RERE: variants seen among roughly 807,000 people sequenced by gnomAD.
RERE encodes the protein arginine-glutamic acid dipeptide repeats protein.
Under a neutral mutation model 146.1 loss-of-function variants are expected in RERE, and 40 were observed. The observed-to-expected ratio is 0.27, with a 90% CI of 0.21 to 0.36. The LOEUF (loss-of-function observed/expected upper bound fraction) is 0.36, where lower values mean the gene tolerates loss of function less well. Ranked by LOEUF, RERE falls within the 10% of genes least tolerant of loss-of-function variation. RERE has a pLI of 1.00. For synonymous variants in RERE, 1,003 were observed against 866.0 expected (o/e 1.16, Z -2.78); for missense variants, 1,933 against 2,138.7 (o/e 0.90, Z 1.90).
chr1:8,751,514 A>AT (rs1640535586), intron 1 of RERE, among the ~76,000 whole-genome samples: 1 of 152,166 alleles, frequency 6.6e-6, no homozygotes, highest in Admixed American at 6.5e-5. Flanking sequence ...GAGTGACTAA[A>AT]CTACACCGAA....
At position 8,501,037 on chromosome 1, in the gene RERE, G is replaced by T. The variant is rs1289476825; in HGVS notation, c.880-3508C>A. Among the ~76,000 whole-genome samples, 7 of 136,170 alleles carry T rather than the reference G, an allele frequency of 5.1e-5. 1 individual carries two copies. Among genetic ancestry groups the T allele is most frequent in the Non-Finnish European group, 7.8e-5 (5 of 64,024 alleles). 89.3% of individuals were successfully genotyped at this position (136,170 alleles called of 152,430 possible). A position where few individuals can be genotyped will look rare whatever the true frequency, so the allele number is the denominator to read the frequency against. ...GGCAGCCACCCCGTCCGGGAGGGGGGGGGGGGGTCAGCCCCCCGCCCGGCC... is the reference window on the plus strand; with the variant it reads ...GGCAGCCACCCCGTCCGGGAGGGGGTGGGGGGGTCAGCCCCCCGCCCGGCC... On this transcript the variant is annotated intron_variant, in intron 8 of 22. Transcript: ENST00000400908.
chr1:8,643,650 A>C (rs1383881566), intron 2 of RERE, among the ~76,000 whole-genome samples: 2 of 152,184 alleles, frequency 1.3e-5, no homozygotes, highest in Non-Finnish European at 2.9e-5. Flanking sequence ...GAATACATGA[A>C]AACAACAGAT....
chr1:8,597,232 G>A (rs1646565611), intron 4 of RERE, among the ~76,000 whole-genome samples: 1 of 152,144 alleles, frequency 6.6e-6, no homozygotes, highest in East Asian at 1.9e-4. Context: ...GGGACTAGAG[G>A]TGTGTGCCAC....
At position 8,501,827 on chromosome 1, in the gene RERE, CCCG is replaced by C. The variant is rs372757078; in HGVS notation, c.880-4301_880-4299del. Among the ~76,000 whole-genome samples, 935 of 95,492 alleles carry C rather than the reference CCCG, an allele frequency of 9.8e-3. 241 individuals are homozygous for C. Among genetic ancestry groups the C allele is most frequent in the Admixed American group, 0.022 (189 of 8,658 alleles). The allele number at this position is 95,492 out of a possible 152,430, so 62.6% of individuals were successfully genotyped here. ...GGTGAGGGGCGCCTCTGCCCGGCTG[CCCG>C]TACTGGGAAGTGAGGACCCCTCTGC... On this transcript the variant is annotated intron_variant, in intron 8 of 22. Coordinates refer to ENST00000400908, the MANE Select transcript of RERE (RefSeq NM_001042681.2).
intron 6 of RERE, among the ~76,000 whole-genome samples, chr1:8,545,395 G>A (rs897309723): frequency 6.6e-6 from 1 of 152,142 alleles, no homozygotes. Context: ...AGAGGAGGTG[G>A]CTATATGAAA....
intron 8 of RERE, among the ~76,000 whole-genome samples, chr1:8,501,191 C>T (rs868840216): frequency 1.3e-5 from 2 of 148,366 alleles, no homozygotes; most frequent in South Asian, 2.1e-4. Context: ...CCAGCCGCCC[C>T]GTCCGGGAGG....
rs556756836 is a variant in RERE, at chr1:8,738,863, CT to C, written c.-145+78296del. On this transcript the variant is annotated intron_variant, in intron 1 of 22. Coordinates refer to ENST00000400908, the MANE Select transcript of RERE (RefSeq NM_001042681.2). ...TGTCATCTTGTTCCTCACACTCTTC[CT>C]GGGCAATCTCCAATCCAGGTCTTTG... Among the ~76,000 whole-genome samples, 163 of 152,306 alleles carry C rather than the reference CT, an allele frequency of 1.1e-3. 6 individuals carry two copies. The South Asian group carries it at 0.034, about 31-fold the overall frequency.
Position 8,576,787 on chromosome 1 carries a change from T to C in RERE, c.523-19264A>G, listed in dbSNP as rs546110729. 1.9e-4 allele frequency among the ~76,000 whole-genome samples: 29 copies of C among 152,330 alleles called. No homozygotes were observed. The South Asian group carries it at 2.9e-3, about 15-fold the overall frequency. On this transcript the variant is annotated intron_variant, in intron 4 of 22. Transcript: ENST00000400908. Reference sequence around the variant, plus strand: ...TTTACAGAAACATAAGCTGGCACAATTGTGTTATAGAAAGAGTAACTGGGC... The same window carrying C: ...TTTACAGAAACATAAGCTGGCACAACTGTGTTATAGAAAGAGTAACTGGGC...
intron 4 of RERE, among the ~76,000 whole-genome samples, chr1:8,597,234 G>A (rs1244783675): frequency 6.6e-6 from 1 of 152,008 alleles, no homozygotes; most frequent in Non-Finnish European, 1.5e-5. Context: ...GACTAGAGGT[G>A]TGTGCCACCA....
At chr1:8,408,554 A>G (rs1643519228) in intron 12 of RERE, among the ~76,000 whole-genome samples, 2 of 152,148 alleles carry the variant, frequency 1.3e-5, no homozygotes, top group Non-Finnish European at 1.5e-5. Flanking sequence ...TTCGCACTGA[A>G]GTCTCTGAGC....
chr1:8,765,930 G>A (rs1473934601), intron 1 of RERE, among the ~76,000 whole-genome samples: 6 of 151,096 alleles, frequency 4.0e-5, no homozygotes, highest in African/African-American at 1.5e-4. Flanking sequence ...CCAGCCTGGC[G>A]ACAGAGCGAG....
At chr1:8,795,988 AAAAAAAAAAACAAAAC>A (rs1557548034) in intron 1 of RERE, among the ~76,000 whole-genome samples, 2 of 150,452 alleles carry the variant, frequency 1.3e-5, no homozygotes, top group Non-Finnish European at 3.0e-5. Flanking sequence ...GTCTCAAAAA[AAAAAAAAAAACAAAAC>A]AAAACAGGAA....
chr1:8,386,912 G>A lies in RERE; in HGVS notation c.1285-20938C>T, dbSNP rs147628924. Among the ~76,000 whole-genome samples, 438 of 152,184 alleles carry A rather than the reference G, an allele frequency of 2.9e-3. 3 individuals are homozygous for A. The highest frequency in any genetic ancestry group is 1.0e-2 in the African/African-American group (414 of 41,524). On this transcript the variant is annotated intron_variant, in intron 12 of 22. Transcript: ENST00000400908. ...AGGACTTCACAAATAGAAAAAAGAC[G>A]GATAAAGGGAACGTACTCAAATGGA... is the stretch of plus-strand genomic sequence containing the variant.
At chr1:8,745,659 T>C (rs1640404724) in intron 1 of RERE, among the ~76,000 whole-genome samples, 1 of 152,214 alleles carries the variant, frequency 6.6e-6, no homozygotes, top group Non-Finnish European at 1.5e-5. Context: ...AATACTCTAA[T>C]ATACGGATTG....
chr1:8,809,124 C>T (rs1351917011), intron 1 of RERE, among the ~76,000 whole-genome samples: 2 of 118,964 alleles, frequency 1.7e-5, no homozygotes, highest in African/African-American at 7.5e-5. Context: ...GGCGACAGAG[C>T]GAGACTTTGT....
At chr1:8,706,282 TA>T (rs1356475536) in intron 1 of RERE, among the ~76,000 whole-genome samples, 3 of 151,248 alleles carry the variant, frequency 2.0e-5, no homozygotes, top group Non-Finnish European at 4.4e-5. Context: ...ACTCAGTCTC[TA>T]AAAAAAAATT....
chr1:8,446,879 C>T (rs1262998244), intron 11 of RERE, among the ~76,000 whole-genome samples: 1 of 151,726 alleles, frequency 6.6e-6, no homozygotes, highest in Non-Finnish European at 1.5e-5. Flanking sequence ...CGGGGTTTCA[C>T]CATGTTAGGC....
intron 2 of RERE, among the ~76,000 whole-genome samples, chr1:8,652,556 C>T (rs1411185547): frequency 2.0e-5 from 3 of 152,154 alleles, no homozygotes; most frequent in Non-Finnish European, 4.4e-5. Context: ...TCCACAATTC[C>T]ACAGGGCTGG....
chr1:8,732,067 T>A, intron 1 of RERE, among the ~76,000 whole-genome samples: 1 of 152,168 alleles, frequency 6.6e-6, no homozygotes. Context: ...CCTCCCAAAG[T>A]GCTGGGATTA....
Sources: gnomAD v4.1 joint callset for allele counts (sites outside exome capture counted in the v4.1 genomes callset) on GRCh38, gnomAD v4.1.1 for gene constraint, MANE v1.5 for transcripts, NCBI Gene and HGNC (gene_info 2026-07-23, HGNC 2026-07-21) for gene names.